The following PHRF1 variants were observed in gnomAD, a reference collection of about 807,000 sequenced individuals.
PHRF1 encodes the protein PHD and ring finger domains 1.
Under a neutral mutation model 128.9 loss-of-function variants are expected in PHRF1, and 53 were observed. The ratio of observed to expected loss-of-function variants is 0.41; its 90% CI spans 0.33 to 0.52. PHRF1 has a LOEUF of 0.52. Ranked by LOEUF, PHRF1 falls within the 20% of genes least tolerant of loss-of-function variation. PHRF1 has a pLI of 0.21. For synonymous variants in PHRF1, 1,178 were observed against 980.6 expected, an observed-to-expected ratio of 1.20 and a Z score of -3.76; for missense variants, 2,503 against 2,284.5, an observed-to-expected ratio of 1.10 and a Z score of -1.95.
At chr11:592,706 C>T in intron 6 of PHRF1, 32 bp downstream of exon 6, 1 of 1,603,742 alleles carries the variant, frequency 6.2e-7, no homozygotes, top group South Asian at 1.1e-5. Flanking sequence ...CACACGTGCC[C>T]TGCTGCGTGC....
chr11:609,714 G>C lies in PHRF1; in HGVS notation c.4258G>C (p.Ala1420Pro), dbSNP rs751121356. The C allele has an allele frequency of 1.9e-4, 282 of 1,488,286 alleles. No homozygotes were observed. In the Middle Eastern group the frequency reaches 1.9e-3, roughly 10 times the overall value. 92.2% of individuals were successfully genotyped at this position (1,488,286 alleles called of 1,614,324 possible). A position where few individuals can be genotyped will look rare whatever the true frequency, so the allele number is the denominator to read the frequency against. Residue 1420 changes from alanine to proline, a missense_variant, in exon 14 of 18, where the codon GCC becomes CCC. By Grantham distance (27) the Ala-to-Pro change is conservative (BLOSUM62 -1). Transcript: ENST00000264555. ...GAGCAGCGCCCCCGCCGAGGACAGA[G>C]CCCCCCGTGAGTAGTGCCCCGGCCC... ...SESSAPAEDR[A>P]PRAPLHRPQK...
At chr11:581,684 G>T (rs1169575800) in intron 2 of PHRF1, 78 bp downstream of exon 2, 28 of 1,334,900 alleles carry the variant, frequency 2.1e-5, no homozygotes, top group Non-Finnish European at 2.9e-5. Flanking sequence ...GGTCGTCTGT[G>T]TGTGTCACTT....
rs1856363489 is a variant in PHRF1 at position 611,113 on chromosome 11, T to A, written c.4806+31T>A. 6 of 1,611,154 alleles carry A rather than the reference T, an allele frequency of 3.7e-6. No individual in the cohort carries two copies. In the South Asian group the frequency reaches 5.5e-5, roughly 15 times the overall value. ...CTGTGTGCGAGCCTGTGTGTGGGGC[T>A]CGGGGTCACGGGCGGTACGTCGCTG... On this transcript the variant is annotated intron_variant, in intron 17 of 17. Transcript: ENST00000264555.
Position 611,891 on chromosome 11 carries a change from C to T in PHRF1, c.*114C>T, listed in dbSNP as rs1399122494. ...ATCGGGGCCATGCCCGGGGAGCTGT[C>T]GGGAGTGGCGGGAAATGGGGGGCAT... On this transcript the variant is annotated 3_prime_UTR_variant, in exon 18 of 18. Coordinates refer to ENST00000264555, the MANE Select transcript of PHRF1 (RefSeq NM_001286581.2). 7 of 1,454,812 alleles carry T rather than the reference C, an allele frequency of 4.8e-6. No individual in the cohort carries two copies. The highest frequency in any genetic ancestry group is 6.4e-6 in the Non-Finnish European group (7 of 1,100,990). 90.1% of individuals were successfully genotyped at this position (1,454,812 alleles called of 1,614,324 possible). A position where few individuals can be genotyped will look rare whatever the true frequency, so the allele number is the denominator to read the frequency against.
intron 3 of PHRF1, among the ~76,000 whole-genome samples, chr11:584,872 G>A (rs1319054290): frequency 2.0e-5 from 3 of 151,690 alleles, no homozygotes; most frequent in Non-Finnish European, 2.9e-5. Flanking sequence ...CGAGTAGCTC[G>A]GATTACAGGC....
intron 12 of PHRF1, among the ~76,000 whole-genome samples, chr11:606,087 T>C (rs1417436819): frequency 6.6e-6 from 1 of 152,250 alleles, no homozygotes; most frequent in Non-Finnish European, 1.5e-5. Flanking sequence ...TTCTTTTGTT[T>C]CGCCACAAGA....
In PHRF1 at chr11:606,607, T is replaced by C. The variant is rs12293832; in HGVS notation, c.1609+11T>C. 80,989 of 1,591,498 alleles carry C rather than the reference T, an allele frequency of 0.051. 3,204 individuals are homozygous for C. The highest frequency in any genetic ancestry group is 0.2 in the African/African-American group (14,601 of 74,656). ...GCGCCAAGAGGGCGGGTGAGTGCCT[T>C]CCCTGCCACGGCCCCTTCCTCTGTG... On this transcript the variant is annotated intron_variant, in intron 13 of 17. Transcript: ENST00000264555.
At chr11:585,602 C>CTTTCCAGCATGAGGTAGTAGCT (rs1564841223) in intron 3 of PHRF1, among the ~76,000 whole-genome samples, 2 of 54,556 alleles carry the variant, frequency 3.7e-5, no homozygotes, top group African/African-American at 7.4e-5. Context: ...AGGTAGTAGC[C>CTTTCCAGCATGAGGTAGTAGCT]CTTTCCAGCT....
At chr11:610,437 A>T (rs978035077) in intron 15 of PHRF1, 64 bp from the exon 16 acceptor site, 1 of 1,556,692 alleles carries the variant, frequency 6.4e-7, no homozygotes, top group Admixed American at 1.8e-5. Context: ...CTGAGGCCTC[A>T]CAGCTCCTGG....
At chr11:582,178 C>G in intron 3 of PHRF1, 97 bp downstream of exon 3, 1 of 1,527,940 alleles carries the variant, frequency 6.5e-7, no homozygotes, top group Non-Finnish European at 8.8e-7. Context: ...GCTGTCACCA[C>G]AGCTGGCCAT....
At chr11:610,149 C>A in intron 14 of PHRF1, 47 bp from the exon 15 acceptor site, 1 of 1,458,058 alleles carries the variant, frequency 6.9e-7, no homozygotes, top group Non-Finnish European at 9.1e-7. Flanking sequence ...GCATTCTGGG[C>A]AGGGGTGGGC....
chr11:584,506 C>G (rs2134192609), intron 3 of PHRF1, among the ~76,000 whole-genome samples: 1 of 152,148 alleles, frequency 6.6e-6, no homozygotes, highest in African/African-American at 2.4e-5. Flanking sequence ...GCTCCATGGA[C>G]CTGGGGTGGG....
chr11:599,272 T>G (rs1359383154), intron 9 of PHRF1, among the ~76,000 whole-genome samples: 1 of 135,762 alleles, frequency 7.4e-6, no homozygotes, highest in Non-Finnish European at 1.6e-5. Context: ...TTTTTTTTTT[T>G]GAGACAGAGT....
At position 612,019 on chromosome 11, in the gene PHRF1, T is replaced by A. The variant is rs751000030; in HGVS notation, c.*242T>A. The A allele has an allele frequency of 1.8e-5, 10 of 541,024 alleles. No individual in the cohort carries two copies. The highest frequency in any genetic ancestry group is 1.2e-4 in the South Asian group (4 of 33,848). 33.5% of individuals were successfully genotyped at this position (541,024 alleles called of 1,614,324 possible). A position where few individuals can be genotyped will look rare whatever the true frequency, so the allele number is the denominator to read the frequency against. ...TTTTGTATGTATATTATAGAGACAC[T>A]GTTTCCATTCTAATTTATCAAAAAT... is the stretch of plus-strand genomic sequence containing the variant. On this transcript the variant is annotated 3_prime_UTR_variant, in exon 18 of 18. Coordinates refer to ENST00000264555, the MANE Select transcript of PHRF1 (RefSeq NM_001286581.2).
In PHRF1 at chr11:611,043, G is replaced by A. The variant is rs1328556305; in HGVS notation, c.4767G>A (p.Lys1589=). Residue 1589 remains lysine (K), a synonymous_variant, in exon 17 of 18, where the codon AAG becomes AAA. Coordinates refer to ENST00000264555, the MANE Select transcript of PHRF1 (RefSeq NM_001286581.2). The stretch of plus-strand genomic sequence containing the variant: ...TCTACCAGAAGAGGGAGGTGACCAA[G>A]GAGGAGTACAAGGACATCCTGCGCA... The part of the protein sequence containing the change: ...KPFYQKREVT[K]EEYKDILRKA... 8.7e-6 allele frequency: 14 copies of A among 1,613,398 alleles called. No individual in the cohort carries two copies. The highest frequency in any genetic ancestry group is 1.2e-5 in the Non-Finnish European group (14 of 1,179,796).
At chr11:578,655 T>C (rs946027607) in intron 1 of PHRF1, among the ~76,000 whole-genome samples, 1 of 152,148 alleles carries the variant, frequency 6.6e-6, no homozygotes, top group African/African-American at 2.4e-5. Flanking sequence ...AGCCTCGAAC[T>C]CCTGAGCTGA....
chr11:598,291 G>T (rs772338500), intron 8 of PHRF1, 82 bp from the exon 9 acceptor site: 27 of 1,497,340 alleles, frequency 1.8e-5, no homozygotes, highest in African/African-American at 2.8e-5. Flanking sequence ...ATTGTGGGCT[G>T]TGTTCTGGGC....
chr11:595,635 G>A (rs1052066092), intron 6 of PHRF1, among the ~76,000 whole-genome samples: 12 of 152,260 alleles, frequency 7.9e-5, no homozygotes, highest in East Asian at 3.8e-4. Context: ...TCGGGGATGA[G>A]TGTGGGGGAC....
At chr11:593,279 G>A (rs1855090276) in intron 6 of PHRF1, among the ~76,000 whole-genome samples, 1 of 152,258 alleles carries the variant, frequency 6.6e-6, no homozygotes, top group African/African-American at 2.4e-5. Flanking sequence ...TAATTTTTCT[G>A]CTGTGAAATT....
Sources: gnomAD v4.1 joint callset for allele counts (sites outside exome capture counted in the v4.1 genomes callset) on GRCh38, gnomAD v4.1.1 for gene constraint, MANE v1.5 for transcripts, NCBI Gene and HGNC (gene_info 2026-07-23, HGNC 2026-07-21) for gene names.